The following GPR158 variants were observed in gnomAD, a reference collection of about 807,000 sequenced individuals.
GPR158 encodes G protein-coupled receptor 158, also known as metabotropic glycine receptor.
A neutral mutation model predicts 78.2 loss-of-function variants in GPR158; 30 were observed. The observed-to-expected ratio is 0.38, with a 90% CI of 0.29 to 0.52. GPR158 has a LOEUF of 0.52. Ranked by LOEUF, GPR158 falls within the 20% of genes least tolerant of loss-of-function variation. GPR158 has a pLI of 0.83. For synonymous variants in GPR158, 581 were observed against 591.1 expected, an observed-to-expected ratio of 0.98 and a Z score of 0.25; for missense variants, 1,463 against 1,523.5, an observed-to-expected ratio of 0.96 and a Z score of 0.66.
At chr10:25,404,630 TGATTGTATTTTATGGCCCA>T (rs1313414040) in intron 3 of GPR158, among the ~76,000 whole-genome samples, 1 of 152,120 alleles carries the variant, frequency 6.6e-6, no homozygotes, top group Non-Finnish European at 1.5e-5. Context: ...CCTGCATTCA[TGATTGTATTTTATGGCCCA>T]GTATTTTGAG....
intron 1 of GPR158, among the ~76,000 whole-genome samples, chr10:25,207,636 C>T (rs1421922863): frequency 6.6e-6 from 1 of 152,160 alleles, no homozygotes; most frequent in East Asian, 1.9e-4. Context: ...TGCTCACTCA[C>T]CTGCTGCTCA....
chr10:25,398,357 G>T (rs943983647), intron 3 of GPR158, among the ~76,000 whole-genome samples: 2 of 152,038 alleles, frequency 1.3e-5, no homozygotes, highest in Non-Finnish European at 2.9e-5. Flanking sequence ...CCAGACCATG[G>T]CGACACCGGA....
intron 2 of GPR158, among the ~76,000 whole-genome samples, chr10:25,245,534 T>TG (rs1564400795): frequency 6.6e-6 from 1 of 152,126 alleles, no homozygotes; most frequent in Admixed American, 6.6e-5. Context: ...GAGTGTGTGT[T>TG]GGGGGGTGGG....
At chr10:25,453,941 G>T (rs1835257091) in intron 4 of GPR158, among the ~76,000 whole-genome samples, 1 of 151,894 alleles carries the variant, frequency 6.6e-6, no homozygotes, top group African/African-American at 2.4e-5. Context: ...ATGCATTTTT[G>T]GATTTTGTTT....
chr10:25,589,166 G>C lies in GPR158; in HGVS notation c.1892+21G>C, dbSNP rs761672864. 4.5e-6 allele frequency: 7 copies of C among 1,547,796 alleles called. No homozygotes were observed. In the East Asian group the frequency reaches 1.4e-4, roughly 30 times the overall value. ...ATTAGGCAAGTGATCTGTAGAGCTA[G>C]TAAATAACTATTTTATTTTTCTGAT... On this transcript the variant is annotated intron_variant, in intron 8 of 10. Transcript: ENST00000376351.
intron 6 of GPR158, among the ~76,000 whole-genome samples, chr10:25,564,851 T>C (rs536484536): frequency 6.6e-6 from 1 of 152,354 alleles, no homozygotes; most frequent in South Asian, 2.1e-4. Flanking sequence ...TAACAGTTCT[T>C]GCTAGTGTGT....
intron 3 of GPR158, among the ~76,000 whole-genome samples, chr10:25,408,793 AT>A (rs1023715951): frequency 1.3e-5 from 2 of 152,028 alleles, no homozygotes; most frequent in Non-Finnish European, 2.9e-5. Flanking sequence ...ACCCATTGCG[AT>A]CACCATGTCC....
chr10:25,462,300 G>A (rs1835367118), intron 4 of GPR158, among the ~76,000 whole-genome samples: 1 of 152,142 alleles, frequency 6.6e-6, no homozygotes, highest in African/African-American at 2.4e-5. Flanking sequence ...GCCCACTGAT[G>A]AGACTTCTCA....
intron 1 of GPR158, among the ~76,000 whole-genome samples, chr10:25,184,867 G>A (rs1455150614): frequency 6.6e-6 from 1 of 152,042 alleles, no homozygotes; most frequent in Non-Finnish European, 1.5e-5. Context: ...TCAATTGCTT[G>A]GAATAAAATG....
chr10:25,297,580 C>G (rs1854534378), intron 2 of GPR158, among the ~76,000 whole-genome samples: 1 of 152,172 alleles, frequency 6.6e-6, no homozygotes, highest in Non-Finnish European at 1.5e-5. Flanking sequence ...TTTCAGAAAC[C>G]AGGAAGTATG....
At position 25,598,235 on chromosome 10, in the gene GPR158, C is replaced by T. The variant is rs570398253; in HGVS notation, c.2609C>T (p.Thr870Met). 92 of 1,614,076 alleles carry T rather than the reference C, an allele frequency of 5.7e-5. No homozygotes were observed. In the South Asian group the frequency reaches 7.9e-4, roughly 14 times the overall value. Residue 870 changes from threonine (T) to methionine (M), a missense_variant, in exon 11 of 11, where the codon ACG (threonine) becomes ATG (methionine). Physicochemically the swap from Thr to Met is moderately conservative, Grantham distance 81. Transcript: ENST00000376351. ...KLKEDSEAES[T>M]ESVPLVCKSA... The stretch of plus-strand genomic sequence containing the variant: ...AAAGAAGACAGCGAGGCTGAGTCCA[C>T]GGAGTCGGTGCCGTTGGTGTGCAAG...
intron 2 of GPR158, among the ~76,000 whole-genome samples, chr10:25,305,252 A>C (rs1412673454): frequency 6.6e-6 from 1 of 152,154 alleles, no homozygotes; most frequent in Non-Finnish European, 1.5e-5. Context: ...TCTTTTCCCA[A>C]AGGATTCCTT....
intron 2 of GPR158, among the ~76,000 whole-genome samples, chr10:25,355,892 C>T (rs973235945): frequency 1.3e-5 from 2 of 151,882 alleles, no homozygotes; most frequent in Non-Finnish European, 2.9e-5. Flanking sequence ...GCAGAACAGC[C>T]ACTCTGATTT....
chr10:25,285,315 C>G (rs186332284), intron 2 of GPR158, among the ~76,000 whole-genome samples: 58 of 150,730 alleles, frequency 3.8e-4, no homozygotes, highest in African/African-American at 1.4e-3. Context: ...ATGTATGTGT[C>G]TGTCTGTCAT....
chr10:25,550,941 G>C, intron 5 of GPR158, 35 bp from the exon 6 acceptor site: 1 of 1,076,862 alleles, frequency 9.3e-7, no homozygotes, highest in Non-Finnish European at 1.4e-6. Flanking sequence ...GTCATCAGTT[G>C]ATCCTGAAGG....
chr10:25,527,346 C>T (rs1836363180), intron 5 of GPR158, among the ~76,000 whole-genome samples: 1 of 151,632 alleles, frequency 6.6e-6, no homozygotes, highest in East Asian at 1.9e-4. Context: ...TATGGTATAC[C>T]ATAAAATGAA....
chr10:25,331,917 A>C (rs1855129618), intron 2 of GPR158, among the ~76,000 whole-genome samples: 1 of 152,172 alleles, frequency 6.6e-6, no homozygotes, highest in African/African-American at 2.4e-5. Flanking sequence ...GGGAATTACT[A>C]TTTGCTCTAT....
intron 5 of GPR158, among the ~76,000 whole-genome samples, chr10:25,489,271 CTG>C (rs1588884847): frequency 1.3e-5 from 2 of 152,106 alleles, no homozygotes; most frequent in African/African-American, 2.4e-5. Context: ...ACATTTAAAA[CTG>C]TATAAATTTT....
intron 5 of GPR158, among the ~76,000 whole-genome samples, chr10:25,483,457 C>G (rs2987832): frequency 0.44 from 67,560 of 151,926 alleles, 16,115 homozygotes; most frequent in East Asian, 0.8. Flanking sequence ...CAGCCTGCCC[C>G]ACTCCTCACA....
Sources: allele counts gnomAD v4.1 joint callset (sites outside exome capture counted in the v4.1 genomes callset), GRCh38; gene constraint gnomAD v4.1.1; transcripts MANE v1.5; gene names NCBI Gene and HGNC (gene_info 2026-07-23, HGNC 2026-07-21).